The following GRID1 variants were observed in gnomAD, a reference collection of about 807,000 sequenced individuals.
GRID1 encodes the protein glutamate ionotropic receptor delta type subunit 1, also known as glutamate receptor ionotropic, delta-1.
A neutral mutation model predicts 98.0 loss-of-function variants in GRID1; 28 were observed. The observed-to-expected ratio is 0.29, with a 90% CI of 0.21 to 0.39. The LOEUF is 0.39. GRID1 is among the 10% of genes least tolerant of loss of function. The probability of loss-of-function intolerance (pLI) is 1.00; values close to 1 mark genes in which losing one functional copy is unlikely to be tolerated. For synonymous variants in GRID1, 553 were observed against 538.5 expected, an observed-to-expected ratio of 1.03 and a Z score of -0.37; for missense variants, 1,111 against 1,340.5, an observed-to-expected ratio of 0.83 and a Z score of 2.67.
Position 85,724,589 on chromosome 10 carries a change from C to G in GRID1, c.1621G>C (p.Val541Leu). The G allele has an allele frequency of 6.2e-7, 1 of 1,613,452 alleles. No individual in the cohort carries two copies. Among genetic ancestry groups the G allele is most frequent in the Non-Finnish European group, 8.5e-7 (1 of 1,179,946 alleles). Reference sequence around the variant, plus strand: ...TCGGGCTTCTTAATTAGAATCCCCACTGAATAGTCCATGTACCGCTTGCTG... The same window carrying G: ...TCGGGCTTCTTAATTAGAATCCCCAGTGAATAGTCCATGTACCGCTTGCTG... Reference protein sequence around the residue: ...DFSKRYMDYSVGILIKKPEEK... With the variant: ...DFSKRYMDYSLGILIKKPEEK... The change falls in exon 11 of 16, where the codon GTG becomes CTG. Residue 541 changes from valine (V) to leucine (L), a missense_variant. Around this residue, in one of 3 missense-constraint regions of GRID1, gnomAD observed 762 missense variants for 869.1 expected, o/e 0.88. Transcript: ENST00000327946.
chr10:85,668,787 G>T (rs1841052559), intron 12 of GRID1, among the ~76,000 whole-genome samples: 2 of 152,278 alleles, frequency 1.3e-5, no homozygotes, highest in Non-Finnish European at 2.9e-5. Flanking sequence ...GTAAGACACT[G>T]CTTCTAAAGG....
intron 8 of GRID1, among the ~76,000 whole-genome samples, chr10:85,842,290 A>G (rs1564607031): frequency 6.6e-6 from 1 of 152,038 alleles, no homozygotes; most frequent in Non-Finnish European, 1.5e-5. Flanking sequence ...GGACACATAG[A>G]TGGAAACACA....
At chr10:85,781,423 G>T (rs965499223) in intron 8 of GRID1, among the ~76,000 whole-genome samples, 3 of 152,176 alleles carry the variant, frequency 2.0e-5, no homozygotes, top group African/African-American at 7.2e-5. Flanking sequence ...AATCCATATA[G>T]TTACTTTTTT....
intron 12 of GRID1, among the ~76,000 whole-genome samples, chr10:85,711,279 T>C (rs1457185677): frequency 1.3e-5 from 2 of 152,044 alleles, no homozygotes; most frequent in African/African-American, 4.8e-5. Flanking sequence ...ACATTCAATG[T>C]GATATTATTC....
At chr10:86,295,687 C>G (rs1441966865) in intron 2 of GRID1, among the ~76,000 whole-genome samples, 3 of 152,150 alleles carry the variant, frequency 2.0e-5, no homozygotes, top group African/African-American at 7.2e-5. Context: ...CCACCCTTAG[C>G]TGCAGGTTGG....
At chr10:86,232,037 T>C (rs1024157441) in intron 2 of GRID1, among the ~76,000 whole-genome samples, 5 of 152,120 alleles carry the variant, frequency 3.3e-5, no homozygotes, top group African/African-American at 1.2e-4. Flanking sequence ...GGTACCCTCT[T>C]CTCACTGCAC....
intron 4 of GRID1, among the ~76,000 whole-genome samples, chr10:86,088,619 C>A (rs1415732398): frequency 6.6e-6 from 1 of 152,156 alleles, no homozygotes; most frequent in Non-Finnish European, 1.5e-5. Flanking sequence ...TGGTTGAGGG[C>A]AGGCCAGAGT....
rs1340001571 is a variant in GRID1 at position 85,722,994 on chromosome 10, T to C, written c.1997+9A>G. 6.2e-7 allele frequency: 1 copy of C among 1,604,448 alleles called. No homozygotes were observed. Among genetic ancestry groups the C allele is most frequent in the Non-Finnish European group, 8.5e-7 (1 of 1,175,060 alleles). On this transcript the variant is annotated intron_variant, in intron 12 of 15. Coordinates refer to ENST00000327946, the MANE Select transcript of GRID1 (RefSeq NM_017551.3). ...CTGCTGGCTCCAGATCAAGGAGGAA[T>C]AGGCTTACCTTATGGGGTTGTCCAT...
At chr10:86,217,690 A>G (rs778579045) in intron 2 of GRID1, among the ~76,000 whole-genome samples, 3 of 152,154 alleles carry the variant, frequency 2.0e-5, no homozygotes, top group Non-Finnish European at 2.9e-5. Context: ...ACACCTCTCC[A>G]GAAGTCACTG....
At chr10:86,250,781 G>A (rs987612186) in intron 2 of GRID1, among the ~76,000 whole-genome samples, 11 of 151,294 alleles carry the variant, frequency 7.3e-5, no homozygotes, top group Non-Finnish European at 1.3e-4. Context: ...CCTCTGCCCG[G>A]CCGCCACCCC....
intron 8 of GRID1, among the ~76,000 whole-genome samples, chr10:85,842,876 C>T (rs1842972775): frequency 6.6e-6 from 1 of 151,950 alleles, no homozygotes; most frequent in Non-Finnish European, 1.5e-5. Context: ...AAGTGTGTTC[C>T]TACATATTTT....
chr10:86,035,385 G>T (rs1180746860), intron 4 of GRID1, among the ~76,000 whole-genome samples: 2 of 152,198 alleles, frequency 1.3e-5, no homozygotes, highest in African/African-American at 4.8e-5. Context: ...TGCCAAAAAA[G>T]GGTGTCTATT....
At chr10:85,993,865 C>A (rs758035921) in intron 4 of GRID1, among the ~76,000 whole-genome samples, 3 of 151,714 alleles carry the variant, frequency 2.0e-5, no homozygotes, top group African/African-American at 7.2e-5. Context: ...GCCAGGGACC[C>A]CTTTCCGTCT....
At chr10:86,360,930 A>G (rs1003658729) in intron 2 of GRID1, among the ~76,000 whole-genome samples, 1 of 152,192 alleles carries the variant, frequency 6.6e-6, no homozygotes, top group African/African-American at 2.4e-5. Context: ...CACTCCACTG[A>G]GAGGTCACTG....
chr10:86,019,418 G>A (rs1385014590), intron 4 of GRID1, among the ~76,000 whole-genome samples: 3 of 152,230 alleles, frequency 2.0e-5, no homozygotes, highest in Non-Finnish European at 4.4e-5. Context: ...CCCCATCAGG[G>A]AGAGGGCTCC....
intron 12 of GRID1, among the ~76,000 whole-genome samples, chr10:85,699,855 C>A (rs755808278): frequency 1.3e-5 from 2 of 152,110 alleles, no homozygotes; most frequent in Non-Finnish European, 2.9e-5. Flanking sequence ...TCAAAGTATT[C>A]GCTTATTTTA....
Position 85,672,075 on chromosome 10 carries a change from C to T in GRID1, c.1998-24678G>A, listed in dbSNP as rs186693811. On this transcript the variant is annotated intron_variant, in intron 12 of 15. Transcript: ENST00000327946. ...GGTGAAGCAGCAAGTGCTGATGGAG[C>T]AGCAAGTCATCCAGAAGATCTAGCT... Among the ~76,000 whole-genome samples, 20 of 152,330 alleles carry T rather than the reference C, an allele frequency of 1.3e-4. No homozygotes were observed. The East Asian group carries it at 3.9e-3, about 29-fold the overall frequency.
At chr10:85,765,818 T>G (rs1358322665) in intron 8 of GRID1, among the ~76,000 whole-genome samples, 1 of 152,240 alleles carries the variant, frequency 6.6e-6, no homozygotes, top group Non-Finnish European at 1.5e-5. Context: ...CCCAACTTCC[T>G]GTTAGCCACA....
chr10:86,060,250 T>G (rs982289425), intron 4 of GRID1, among the ~76,000 whole-genome samples: 6 of 151,924 alleles, frequency 3.9e-5, no homozygotes, highest in Admixed American at 2.6e-4. Context: ...TCCCTAAGAG[T>G]TTTTATGTTC....
Sources: allele counts gnomAD v4.1 joint callset (sites outside exome capture counted in the v4.1 genomes callset), GRCh38; gene constraint gnomAD v4.1.1; regional missense constraint gnomAD v4.1.1; transcripts MANE v1.5; gene names NCBI Gene and HGNC (gene_info 2026-07-23, HGNC 2026-07-21).